Variants in POLN observed in about 807,000 individuals in gnomAD.
POLN encodes the protein DNA polymerase N.
Under a neutral mutation model 113.5 loss-of-function variants are expected in POLN, and 108 were observed. The observed-to-expected ratio is 0.95, with a 90% CI of 0.81 to 1.12. The LOEUF is 1.12. Among genes scored for constraint, POLN ranks in the 50% most tolerant of loss-of-function variants. POLN has a pLI of 0.00. For missense variants in POLN, 1,097 were observed against 1,077.1 expected, an observed-to-expected ratio of 1.02 and a Z score of -0.26; for synonymous variants, 386 against 391.5, an observed-to-expected ratio of 0.99 and a Z score of 0.17.
At position 2,208,463 on chromosome 4, in the gene POLN, T is replaced by C. The variant is rs1560094372; in HGVS notation, c.238A>G (p.Thr80Ala). The change falls in exon 5 of 26, where the codon ACA becomes GCA. Residue 80 changes from threonine (T) to alanine (A), a missense_variant. Physicochemically the swap from Thr to Ala is moderately conservative, Grantham distance 58. Coordinates refer to ENST00000511885, the MANE Select transcript of POLN (RefSeq NM_181808.4). ...KKDLKSLRSQ[T>A]SRGSAKLSPQ... Reference sequence around the variant, plus strand: ...GACAGCTTGGCAGAACCTCTTGATGTCTGACTTCTTAAAGATTTAAGATCC... The same window carrying C: ...GACAGCTTGGCAGAACCTCTTGATGCCTGACTTCTTAAAGATTTAAGATCC... 6.4e-7 allele frequency: 1 copy of C among 1,556,516 alleles called. No homozygotes were observed.
chr4:2,207,720 G>A (rs1733887227), intron 5 of POLN, among the ~76,000 whole-genome samples: 1 of 152,144 alleles, frequency 6.6e-6, no homozygotes, highest in African/African-American at 2.4e-5. Context: ...TAAAAAAACA[G>A]ACAACAACAT....
intron 16 of POLN, among the ~76,000 whole-genome samples, chr4:2,138,279 A>G (rs1186975681): frequency 1.3e-5 from 2 of 152,230 alleles, no homozygotes; most frequent in Non-Finnish European, 2.9e-5. Context: ...CAGACCACCC[A>G]AAGCCCTAAG....
intron 2 of POLN, chr4:2,240,011 G>A (rs1334798287): frequency 1.3e-6 from 2 of 1,563,094 alleles, no homozygotes; most frequent in Non-Finnish European, 1.8e-6. Context: ...ATTACAATGT[G>A]AATCCAATCT....
intron 16 of POLN, among the ~76,000 whole-genome samples, chr4:2,149,779 T>C (rs1561042037): frequency 6.8e-6 from 1 of 147,976 alleles, no homozygotes; most frequent in Non-Finnish European, 1.5e-5. Context: ...GAGTGAGACC[T>C]GTGTCTAAAA....
At chr4:2,158,004 T>G in intron 14 of POLN, 93 bp from the exon 15 acceptor site, 1 of 910,842 alleles carries the variant, frequency 1.1e-6, no homozygotes, top group Non-Finnish European at 1.7e-6. Context: ...CAGGCTGGAG[T>G]GCAGTGGCGT....
chr4:2,118,362 T>G (rs80083411), intron 19 of POLN, among the ~76,000 whole-genome samples: 1,682 of 152,296 alleles, frequency 0.011, 34 homozygotes, highest in African/African-American at 0.039. Context: ...CATCGATATA[T>G]TTAAATGTGC....
At chr4:2,145,742 C>T (rs552164292) in intron 16 of POLN, among the ~76,000 whole-genome samples, 1 of 152,282 alleles carries the variant, frequency 6.6e-6, no homozygotes, top group African/African-American at 2.4e-5. Flanking sequence ...TTAGTGATGT[C>T]AGGAGAGTTG....
chr4:2,205,975 G>T (rs1733833581), intron 5 of POLN, among the ~76,000 whole-genome samples: 1 of 151,848 alleles, frequency 6.6e-6, no homozygotes, highest in Non-Finnish European at 1.5e-5. Flanking sequence ...AAATCTGGAG[G>T]CATCACAGTA....
In POLN at chr4:2,114,176, G is replaced by C. The variant is rs554946487; in HGVS notation, c.1982+13937C>G. On this transcript the variant is annotated intron_variant, in intron 19 of 25. Transcript: ENST00000511885. ...AGCCTCTGAAAGTGCTGGGATTACA[G>C]GCATGAGCCACCGTGCCCAGCCTGC... Among the ~76,000 whole-genome samples the C allele has an allele frequency of 3.2e-4, 49 of 151,942 alleles. 1 individual carries two copies. Among genetic ancestry groups the C allele is most frequent in the African/African-American group, 1.2e-3 (49 of 41,464 alleles).
chr4:2,117,024 G>T (rs1293538628), intron 19 of POLN, among the ~76,000 whole-genome samples: 1 of 152,198 alleles, frequency 6.6e-6, no homozygotes, highest in Non-Finnish European at 1.5e-5. Flanking sequence ...ATGCTCAAAG[G>T]CTTACACAAA....
At chr4:2,080,614 C>T in intron 23 of POLN, 6 of 1,232,956 alleles carry the variant, frequency 4.9e-6, no homozygotes, top group Non-Finnish European at 6.2e-6. Context: ...TTTGGAGTCC[C>T]CAGGGTCCTG....
At chr4:2,177,487 C>T (rs139381663) in intron 8 of POLN, among the ~76,000 whole-genome samples, 285 of 152,322 alleles carry the variant, frequency 1.9e-3, no homozygotes, top group African/African-American at 6.5e-3. Flanking sequence ...CATCTCCCAC[C>T]CTCATCCATG....
chr4:2,175,918 T>C (rs1457075325), intron 9 of POLN, among the ~76,000 whole-genome samples: 1 of 152,234 alleles, frequency 6.6e-6, no homozygotes, highest in East Asian at 1.9e-4. Context: ...CTCATTGCAG[T>C]GGCTGTCTGC....
intron 19 of POLN, among the ~76,000 whole-genome samples, chr4:2,108,040 T>G (rs1409572465): frequency 6.6e-6 from 1 of 152,176 alleles, no homozygotes; most frequent in Non-Finnish European, 1.5e-5. Context: ...CTTCCCTTCC[T>G]CTGTTGGATT....
intron 19 of POLN, among the ~76,000 whole-genome samples, chr4:2,124,183 C>T (rs955701939): frequency 3.3e-5 from 5 of 152,114 alleles, no homozygotes; most frequent in East Asian, 1.9e-4. Context: ...TTTCCAGGGC[C>T]GGGAGGCGGG....
At chr4:2,240,214 T>C (rs1377967686) in intron 2 of POLN, 3 of 1,613,718 alleles carry the variant, frequency 1.9e-6, no homozygotes, top group Non-Finnish European at 2.5e-6. Context: ...ATAGATGGTG[T>C]CTGTATATCT....
intron 19 of POLN, 74 bp downstream of exon 19, chr4:2,128,039 G>T: frequency 2.1e-6 from 2 of 933,168 alleles, no homozygotes; most frequent in Non-Finnish European, 1.7e-6. Context: ...AGTAGCCTTG[G>T]AATAATTCCA....
intron 19 of POLN, among the ~76,000 whole-genome samples, chr4:2,104,816 G>C (rs1303882478): frequency 6.6e-6 from 1 of 152,204 alleles, no homozygotes; most frequent in East Asian, 1.9e-4. Flanking sequence ...TCAGGTCATG[G>C]ATCAGAGCTG....
chr4:2,078,852 CTCAG>C (rs1730337999), intron 23 of POLN: 1 of 985,476 alleles, frequency 1.0e-6, no homozygotes, highest in East Asian at 1.1e-4. Context: ...TTCAGAAGGA[CTCAG>C]TCAGCAACAG....
Sources: allele counts gnomAD v4.1 joint callset (sites outside exome capture counted in the v4.1 genomes callset), GRCh38; gene constraint gnomAD v4.1.1; transcripts MANE v1.5; gene names NCBI Gene and HGNC (gene_info 2026-07-23, HGNC 2026-07-21).